F13A1: variants seen among roughly 807,000 people sequenced by gnomAD.
The protein encoded by F13A1 is FSF, A subunit.
F13A1 carries 47 observed loss-of-function variants against 80.1 expected under a neutral mutation model. That is an observed-to-expected ratio of 0.59 (90% CI 0.46 to 0.75). The LOEUF (loss-of-function observed/expected upper bound fraction) is 0.75, where lower values mean the gene tolerates loss of function less well. F13A1 is among the 30% of genes least tolerant of loss of function. The probability of loss-of-function intolerance (pLI) is 0.00; values close to 1 mark genes in which losing one functional copy is unlikely to be tolerated. For missense variants in F13A1, 817 were observed against 930.4 expected, an observed-to-expected ratio of 0.88 and a Z score of 1.59; for synonymous variants, 349 against 344.9, an observed-to-expected ratio of 1.01 and a Z score of -0.13.
chr6:6,272,596 G>A (rs901853873), intron 3 of F13A1, among the ~76,000 whole-genome samples: 3 of 152,136 alleles, frequency 2.0e-5, no homozygotes, highest in African/African-American at 4.8e-5. Context: ...TGGCCATATC[G>A]TTAGGGAAAC....
intron 3 of F13A1, among the ~76,000 whole-genome samples, chr6:6,303,008 C>T (rs1287838138): frequency 4.6e-5 from 7 of 152,188 alleles, no homozygotes; most frequent in Non-Finnish European, 1.0e-4. Context: ...AAACTTTCTT[C>T]CAGTTGGAGA....
intron 3 of F13A1, among the ~76,000 whole-genome samples, chr6:6,286,305 G>C (rs916558014): frequency 6.6e-6 from 1 of 152,224 alleles, no homozygotes; most frequent in Admixed American, 6.5e-5. Flanking sequence ...AGAATCACTT[G>C]AACCTGGGAA....
intron 3 of F13A1, among the ~76,000 whole-genome samples, chr6:6,297,402 T>C (rs1225497296): frequency 6.6e-6 from 1 of 150,820 alleles, no homozygotes; most frequent in African/African-American, 2.5e-5. Flanking sequence ...TGGTAAGCTA[T>C]TGATCATTGC....
At chr6:6,285,803 A>AGAAATACCT (rs59680486) in intron 3 of F13A1, among the ~76,000 whole-genome samples, 11,948 of 152,270 alleles carry the variant, frequency 0.078, 624 homozygotes, top group East Asian at 0.22. Flanking sequence ...CCCAATAAAC[A>AGAAATACCT]GAAATACCTG....
At chr6:6,281,022 C>G (rs974178596) in intron 3 of F13A1, among the ~76,000 whole-genome samples, 2 of 152,198 alleles carry the variant, frequency 1.3e-5, no homozygotes, top group Non-Finnish European at 2.9e-5. Flanking sequence ...CCAGCCTTCC[C>G]TGGCAGCACC....
chr6:6,155,211 C>A (rs1004684993), intron 13 of F13A1, among the ~76,000 whole-genome samples: 1 of 152,166 alleles, frequency 6.6e-6, no homozygotes, highest in Non-Finnish European at 1.5e-5. Context: ...TGAAATACAC[C>A]CTTCCAGGTC....
intron 8 of F13A1, among the ~76,000 whole-genome samples, chr6:6,204,735 G>A (rs983866315): frequency 6.6e-6 from 1 of 152,186 alleles, no homozygotes; most frequent in South Asian, 2.1e-4. Context: ...AATGAAGGAA[G>A]ATGACAGAAA....
At chr6:6,227,851 T>A (rs554485246) in intron 6 of F13A1, among the ~76,000 whole-genome samples, 84 of 152,314 alleles carry the variant, frequency 5.5e-4, no homozygotes, top group African/African-American at 1.9e-3. Context: ...AATGCTGAGC[T>A]GTTCCCCTGT....
Position 6,206,235 on chromosome 6 carries a change from C to T in F13A1, c.1113-8909G>A, listed in dbSNP as rs17141859. Among the ~76,000 whole-genome samples, 850 of 152,156 alleles carry T rather than the reference C, an allele frequency of 5.6e-3. 4 individuals carry two copies. The highest frequency in any genetic ancestry group is 0.02 in the African/African-American group (817 of 41,492). ...TGGCTCTTATTTTTGTAACGTGTTC[C>T]TAGAGGTATTATTAATTACCAAAAG... On this transcript the variant is annotated intron_variant, in intron 8 of 14. Transcript: ENST00000264870.
chr6:6,258,738 A>G (rs573863817), intron 4 of F13A1, among the ~76,000 whole-genome samples: 22 of 152,332 alleles, frequency 1.4e-4, no homozygotes, highest in Non-Finnish European at 2.9e-4. Flanking sequence ...TATTTTATTT[A>G]AGAGGAATAT....
chr6:6,221,918 G>T, intron 8 of F13A1, 115 bp downstream of exon 8: 3 of 1,177,686 alleles, frequency 2.5e-6, no homozygotes, highest in Non-Finnish European at 3.7e-6. Flanking sequence ...TTCTGCCTGT[G>T]CTGTTGAATG....
At chr6:6,254,163 C>CTAGAACAGCTAACCTACATGGTCTCTTT (rs1757673713) in intron 4 of F13A1, among the ~76,000 whole-genome samples, 2 of 152,126 alleles carry the variant, frequency 1.3e-5, no homozygotes, top group Admixed American at 1.3e-4. Flanking sequence ...ACCACCAGTG[C>CTAGAACAGCTAACCTACATGGTCTCTTT]CAATGAGGGT....
chr6:6,230,189 C>G (rs897779737), intron 6 of F13A1, among the ~76,000 whole-genome samples: 1 of 152,008 alleles, frequency 6.6e-6, no homozygotes, highest in Non-Finnish European at 1.5e-5. Flanking sequence ...GGTGGGTAGA[C>G]CGGGTCAGGT....
intron 3 of F13A1, among the ~76,000 whole-genome samples, chr6:6,281,551 C>A (rs1758065080): frequency 6.6e-6 from 1 of 152,160 alleles, no homozygotes; most frequent in Admixed American, 6.5e-5. Flanking sequence ...TATCATTATA[C>A]CTTATATCAA....
intron 8 of F13A1, among the ~76,000 whole-genome samples, chr6:6,214,396 C>T (rs553889387): frequency 0.016 from 2,373 of 147,306 alleles, 76 homozygotes; most frequent in African/African-American, 0.057. Flanking sequence ...CGCTCAACTA[C>T]GTGGAAACTG....
chr6:6,205,718 T>A (rs1761475630), intron 8 of F13A1, among the ~76,000 whole-genome samples: 1 of 150,238 alleles, frequency 6.7e-6, no homozygotes, highest in Non-Finnish European at 1.5e-5. Flanking sequence ...GTTTTATTAT[T>A]TTTTTTTTAG....
chr6:6,217,126 C>G (rs1369055059), intron 8 of F13A1, among the ~76,000 whole-genome samples: 1 of 147,596 alleles, frequency 6.8e-6, no homozygotes, highest in African/African-American at 2.6e-5. Flanking sequence ...GTGGCGATTC[C>G]TCAGGGATCT....
intron 3 of F13A1, among the ~76,000 whole-genome samples, chr6:6,297,728 T>A (rs1758353307): frequency 6.7e-6 from 1 of 149,618 alleles, no homozygotes; most frequent in South Asian, 2.1e-4. Flanking sequence ...TTTGAAGGGT[T>A]TTTTGTGTCT....
intron 4 of F13A1, among the ~76,000 whole-genome samples, chr6:6,252,849 GA>G (rs1757651804): frequency 6.6e-6 from 1 of 151,988 alleles, no homozygotes; most frequent in Non-Finnish European, 1.5e-5. Flanking sequence ...AGCTTATCTG[GA>G]AAAAACAATG....
Sources: gnomAD v4.1 joint callset for allele counts (sites outside exome capture counted in the v4.1 genomes callset) on GRCh38, gnomAD v4.1.1 for gene constraint, MANE v1.5 for transcripts, NCBI Gene and HGNC (gene_info 2026-07-23, HGNC 2026-07-21) for gene names.